The following DCC variants were observed in gnomAD, a reference collection of about 807,000 sequenced individuals.
The protein encoded by DCC is DCC netrin 1 receptor.
Under a neutral mutation model 172.5 loss-of-function variants are expected in DCC, and 58 were observed. The ratio of observed to expected loss-of-function variants is 0.34; its 90% CI spans 0.27 to 0.42. The LOEUF is 0.42. DCC is among the 10% of genes least tolerant of loss of function. DCC has a pLI of 1.00. For missense variants in DCC, 1,740 were observed against 1,791.0 expected, an observed-to-expected ratio of 0.97 and a Z score of 0.51; for synonymous variants, 709 against 644.5, an observed-to-expected ratio of 1.10 and a Z score of -1.52.
chr18:53,383,121 G>A (rs1217000195), intron 15 of DCC, among the ~76,000 whole-genome samples: 1 of 151,984 alleles, frequency 6.6e-6, no homozygotes, highest in African/African-American at 2.4e-5. Flanking sequence ...AGACTAAGTA[G>A]GTTTGATCCC....
intron 1 of DCC, among the ~76,000 whole-genome samples, chr18:52,663,798 A>G (rs781403249): frequency 7.9e-5 from 12 of 152,310 alleles, no homozygotes; most frequent in Admixed American, 2.0e-4. Context: ...TAAGAACACT[A>G]TTTAGAAATA....
At chr18:52,342,032 G>C (rs1983660925) in intron 1 of DCC, among the ~76,000 whole-genome samples, 2 of 152,258 alleles carry the variant, frequency 1.3e-5, no homozygotes, top group Admixed American at 6.5e-5. Context: ...CAGCCTCCCC[G>C]GAGTCCGCAG....
At position 52,747,437 on chromosome 18, in the gene DCC, T is replaced by C. The variant is rs988925196; in HGVS notation, c.92-4617T>C. On this transcript the variant is annotated intron_variant, in intron 1 of 28. Transcript: ENST00000442544. ...GAAATCCTCACCATTGTAATTCTAA[T>C]ATGAAATTCTCTGCAGCATTGTAAA... is the stretch of plus-strand genomic sequence containing the variant. Among the ~76,000 whole-genome samples, 22 of 152,358 alleles carry C rather than the reference T, an allele frequency of 1.4e-4. No homozygotes were observed. In the East Asian group the frequency reaches 1.5e-3, roughly 11 times the overall value.
intron 12 of DCC, among the ~76,000 whole-genome samples, chr18:53,218,124 C>T (rs2055881312): frequency 6.6e-6 from 1 of 152,114 alleles, no homozygotes; most frequent in Admixed American, 6.6e-5. Flanking sequence ...GCTGAGATTA[C>T]AGGCATGAGT....
At chr18:52,889,472 TCTTA>T (rs1304848846) in intron 2 of DCC, among the ~76,000 whole-genome samples, 40 of 152,258 alleles carry the variant, frequency 2.6e-4, no homozygotes, top group Middle Eastern at 3.4e-3. Context: ...GAAGTCTCAT[TCTTA>T]CTTGTGAGAA....
intron 1 of DCC, among the ~76,000 whole-genome samples, chr18:52,577,525 T>C (rs1431297147): frequency 6.6e-6 from 1 of 152,218 alleles, no homozygotes; most frequent in South Asian, 2.1e-4. Flanking sequence ...GATGGTTCCA[T>C]AGTTATTTTT....
chr18:52,666,521 T>C (rs1032311189), intron 1 of DCC, among the ~76,000 whole-genome samples: 1 of 152,210 alleles, frequency 6.6e-6, no homozygotes. Context: ...AGAGAAACAG[T>C]CATTTAAATA....
intron 5 of DCC, among the ~76,000 whole-genome samples, chr18:52,927,207 G>A (rs1264497323): frequency 2.9e-4 from 24 of 83,512 alleles, no homozygotes; most frequent in East Asian, 1.9e-3. Flanking sequence ...AGGTGTATAT[G>A]TACATATACA....
chr18:52,828,580 T>C (rs1168475732), intron 2 of DCC, among the ~76,000 whole-genome samples: 1 of 152,134 alleles, frequency 6.6e-6, no homozygotes, highest in Non-Finnish European at 1.5e-5. Context: ...TTGATAGTCT[T>C]TGTTGTCATT....
intron 1 of DCC, among the ~76,000 whole-genome samples, chr18:52,673,862 G>T (rs749777432): frequency 6.6e-6 from 1 of 152,140 alleles, no homozygotes; most frequent in Non-Finnish European, 1.5e-5. Flanking sequence ...ATTCATAGTT[G>T]GTAGTGCCTC....
intron 9 of DCC, among the ~76,000 whole-genome samples, chr18:53,202,627 C>T (rs2055557455): frequency 6.6e-6 from 1 of 151,984 alleles, no homozygotes; most frequent in South Asian, 2.1e-4. Flanking sequence ...TGTTATCTCC[C>T]CATGGGTTGC....
intron 2 of DCC, among the ~76,000 whole-genome samples, chr18:52,850,695 T>C (rs1052890139): frequency 6.6e-6 from 1 of 152,092 alleles, no homozygotes; most frequent in South Asian, 2.1e-4. Flanking sequence ...CACCCCCCAG[T>C]AATTTTTATA....
chr18:52,340,648 G>T lies in DCC; in HGVS notation c.-140G>T. 1.3e-6 allele frequency: 1 copy of T among 769,016 alleles called. No individual in the cohort carries two copies. Among genetic ancestry groups the T allele is most frequent in the Non-Finnish European group, 2.4e-6 (1 of 418,294 alleles). 47.6% of individuals were successfully genotyped at this position (769,016 alleles called of 1,614,324 possible). ...AGGCGCAGGGGAGGTGGAGAAAGAG[G>T]TGGAGGAAGAGGACGAGGAGGAGGA... On this transcript the variant is annotated 5_prime_UTR_variant, in exon 1 of 29. Coordinates refer to ENST00000442544, the MANE Select transcript of DCC (RefSeq NM_005215.4).
chr18:53,135,506 A>C (rs1438213498), intron 7 of DCC, among the ~76,000 whole-genome samples: 1 of 152,142 alleles, frequency 6.6e-6, no homozygotes, highest in Non-Finnish European at 1.5e-5. Flanking sequence ...CTAGGATTGC[A>C]GGAATTATTT....
At chr18:52,864,728 G>GT (rs2039194142) in intron 2 of DCC, among the ~76,000 whole-genome samples, 2 of 149,464 alleles carry the variant, frequency 1.3e-5, no homozygotes, top group South Asian at 2.1e-4. Context: ...GTTCCCCTCC[G>GT]TGTGTCCATG....
intron 1 of DCC, among the ~76,000 whole-genome samples, chr18:52,559,820 G>C (rs369357742): frequency 6.6e-6 from 1 of 152,140 alleles, no homozygotes; most frequent in Admixed American, 6.6e-5. Flanking sequence ...GTGGAGGAGA[G>C]AGAGAGAAAG....
chr18:53,402,920 C>A, intron 19 of DCC, 27 bp downstream of exon 19: 3 of 1,493,140 alleles, frequency 2.0e-6, no homozygotes, highest in Non-Finnish European at 2.8e-6. Context: ...TCTCTCCCAG[C>A]ATAGCTCTCC....
chr18:53,066,223 T>C lies in DCC; in HGVS notation c.1261+57T>C, dbSNP rs567115708. ...GGAATGAAAATTATTCATAGTCTGTTGGTAAAATCCATATTGTTTTTCCTA... is the reference window on the plus strand; with the variant it reads ...GGAATGAAAATTATTCATAGTCTGTCGGTAAAATCCATATTGTTTTTCCTA... On this transcript the variant is annotated intron_variant, in intron 7 of 28. Transcript: ENST00000442544. 1.7e-5 allele frequency: 26 copies of C among 1,567,662 alleles called. No individual in the cohort carries two copies. The African/African-American group carries it at 2.6e-4, about 15-fold the overall frequency.
rs893911312 is a variant in DCC at position 52,688,078 on chromosome 18, C to G, written c.92-63976C>G. ...TAGTGCACTGTTAGATGTAGTCAGT[C>G]CTGGGAACTTGTTTAATAAAGGAGT... On this transcript the variant is annotated intron_variant, in intron 1 of 28. Transcript: ENST00000442544. Among the ~76,000 whole-genome samples, 5 of 151,602 alleles carry G rather than the reference C, an allele frequency of 3.3e-5. No homozygotes were observed. The East Asian group carries it at 9.7e-4, about 29-fold the overall frequency.
Sources: allele counts gnomAD v4.1 joint callset (sites outside exome capture counted in the v4.1 genomes callset), GRCh38; gene constraint gnomAD v4.1.1; transcripts MANE v1.5; gene names NCBI Gene and HGNC (gene_info 2026-07-23, HGNC 2026-07-21).